ARHGEF12: variants seen among roughly 807,000 people sequenced by gnomAD.
ARHGEF12 encodes the protein KMT2A/ARHGEF12 fusion protein.
A neutral mutation model predicts 211.2 loss-of-function variants in ARHGEF12; 66 were observed. The observed-to-expected ratio is 0.31, with a 90% CI of 0.26 to 0.38. ARHGEF12 has a LOEUF of 0.38. ARHGEF12 is among the 10% of genes least tolerant of loss of function. The pLI is 1.00. For missense variants in ARHGEF12, 1,429 were observed against 1,869.5 expected (o/e 0.76, Z 4.34); for synonymous variants, 592 against 638.4 (o/e 0.93, Z 1.09).
chr11:120,428,050 T>C lies in ARHGEF12; in HGVS notation c.407-19T>C. 1 of 1,523,472 alleles carries C rather than the reference T, an allele frequency of 6.6e-7. No homozygotes were observed. Among genetic ancestry groups the C allele is most frequent in the Non-Finnish European group, 8.8e-7 (1 of 1,135,782 alleles). 94.4% of individuals were successfully genotyped at this position (1,523,472 alleles called of 1,614,324 possible). On this transcript the variant is annotated intron_variant, in intron 7 of 40. Coordinates refer to ENST00000397843, the MANE Select transcript of ARHGEF12 (RefSeq NM_015313.3). ...GTTATTTTCCCTTCCCTTCCCTTTT[T>C]CCGTCTCCCCACCCCAAGCTGGTTC...
At position 120,424,352 on chromosome 11, in the gene ARHGEF12, T is replaced by G. The variant is rs1945281513; in HGVS notation, c.349-6T>G. ...TCTGACATACACTACTTTCGTTTTC[T>G]TACAGGTGAATGGAACTCTGGTGAC... On this transcript the variant is annotated splice_region_variant and splice_polypyrimidine_tract_variant and intron_variant, in intron 6 of 40. Coordinates refer to ENST00000397843, the MANE Select transcript of ARHGEF12 (RefSeq NM_015313.3). 6.2e-7 allele frequency: 1 copy of G among 1,611,732 alleles called. No individual in the cohort carries two copies. Among genetic ancestry groups the G allele is most frequent in the Admixed American group, 1.7e-5 (1 of 59,872 alleles).
At chr11:120,395,681 C>T (rs1378674418) in intron 1 of ARHGEF12, among the ~76,000 whole-genome samples, 1 of 152,006 alleles carries the variant, frequency 6.6e-6, no homozygotes, top group African/African-American at 2.4e-5. Flanking sequence ...AAGGAGAGCT[C>T]GTGCAGGGGA....
rs910025662 is a variant in ARHGEF12, at chr11:120,487,402, A to G, written c.*2325A>G. 2 of 218,492 alleles carry G rather than the reference A, an allele frequency of 9.2e-6. 1 individual carries two copies. Among genetic ancestry groups the G allele is most frequent in the Middle Eastern group, 2.8e-3 (2 of 712 alleles). The allele number at this position is 218,492 out of a possible 1,614,324, so 13.5% of individuals were successfully genotyped here. On this transcript the variant is annotated 3_prime_UTR_variant, in exon 41 of 41. Transcript: ENST00000397843. ...CAAGATGAAGTCTAATTCTGAAAATATCTCACAATTTTTGAATGTTCTTTT... is the reference window on the plus strand; with the variant it reads ...CAAGATGAAGTCTAATTCTGAAAATGTCTCACAATTTTTGAATGTTCTTTT...
chr11:120,485,214 T>A lies in ARHGEF12; in HGVS notation c.*137T>A. The A allele has an allele frequency of 2.8e-6, 3 of 1,090,184 alleles. No individual in the cohort carries two copies. The highest frequency in any genetic ancestry group is 4.1e-6 in the Non-Finnish European group (3 of 734,656). 67.5% of individuals were successfully genotyped at this position (1,090,184 alleles called of 1,614,324 possible). A position where few individuals can be genotyped will look rare whatever the true frequency, so the allele number is the denominator to read the frequency against. Reference sequence around the variant, plus strand: ...TGTGAACCACCTGGGATTAGTCAAGTCCCAAGGTGCCCAGAGTGGGACTAG... The same window carrying A: ...TGTGAACCACCTGGGATTAGTCAAGACCCAAGGTGCCCAGAGTGGGACTAG... On this transcript the variant is annotated 3_prime_UTR_variant, in exon 41 of 41. Coordinates refer to ENST00000397843, the MANE Select transcript of ARHGEF12 (RefSeq NM_015313.3).
chr11:120,347,148 C>CGTCT (rs1942764239), intron 1 of ARHGEF12, among the ~76,000 whole-genome samples: 1 of 40,376 alleles, frequency 2.5e-5, no homozygotes, highest in African/African-American at 1.4e-4. Flanking sequence ...TCCTTCCTTC[C>CGTCT]TTCCTTCCTT....
At chr11:120,442,761 A>G (rs1022761559) in intron 15 of ARHGEF12, among the ~76,000 whole-genome samples, 3 of 152,088 alleles carry the variant, frequency 2.0e-5, no homozygotes, top group Non-Finnish European at 4.4e-5. Context: ...CCTAGCCCTT[A>G]ATGCATACTG....
At chr11:120,435,512 C>CTTTTTT (rs61516865) in intron 11 of ARHGEF12, among the ~76,000 whole-genome samples, 6 of 106,244 alleles carry the variant, frequency 5.6e-5, no homozygotes, top group Admixed American at 1.0e-4. Flanking sequence ...CCCTGTCAAG[C>CTTTTTT]TTTTTTTTTT....
chr11:120,343,682 G>A (rs116460590), intron 1 of ARHGEF12, among the ~76,000 whole-genome samples: 1,665 of 152,254 alleles, frequency 0.011, 32 homozygotes, highest in African/African-American at 0.038. Context: ...CAAATCTACT[G>A]GCCAATGAAA....
intron 37 of ARHGEF12, among the ~76,000 whole-genome samples, chr11:120,479,726 G>A (rs935408958): frequency 1.3e-5 from 2 of 152,064 alleles, no homozygotes; most frequent in African/African-American, 4.8e-5. Context: ...TTCAAGTTTA[G>A]TTTAACGTTA....
chr11:120,355,242 A>G (rs147421238), intron 1 of ARHGEF12, among the ~76,000 whole-genome samples: 1 of 152,312 alleles, frequency 6.6e-6, no homozygotes, highest in African/African-American at 2.4e-5. Context: ...GTTATTACAC[A>G]AGCAGCATTT....
At chr11:120,359,336 A>C (rs1283215038) in intron 1 of ARHGEF12, among the ~76,000 whole-genome samples, 1 of 152,100 alleles carries the variant, frequency 6.6e-6, no homozygotes, top group Non-Finnish European at 1.5e-5. Flanking sequence ...GCAGTCTCTC[A>C]TCTCAGCCTC....
intron 36 of ARHGEF12, among the ~76,000 whole-genome samples, chr11:120,477,934 T>A (rs1444490185): frequency 6.6e-6 from 1 of 152,016 alleles, no homozygotes; most frequent in African/African-American, 2.4e-5. Flanking sequence ...ACTGTTTGGT[T>A]TATGCAGGTT....
At chr11:120,426,596 A>T (rs899292896) in intron 7 of ARHGEF12, among the ~76,000 whole-genome samples, 3 of 152,250 alleles carry the variant, frequency 2.0e-5, no homozygotes, top group Non-Finnish European at 4.4e-5. Context: ...CAAGTGAGAT[A>T]TAATAGATGA....
At chr11:120,417,948 A>G (rs933509592) in intron 4 of ARHGEF12, among the ~76,000 whole-genome samples, 1 of 152,248 alleles carries the variant, frequency 6.6e-6, no homozygotes, top group African/African-American at 2.4e-5. Context: ...CTAATGTGTT[A>G]TCACCTGACC....
intron 1 of ARHGEF12, among the ~76,000 whole-genome samples, chr11:120,347,183 C>CTTTCTTTCTTT (rs1555090042): frequency 0.036 from 3,550 of 99,970 alleles, 190 homozygotes; most frequent in East Asian, 0.17. Context: ...TTCCTTCCTT[C>CTTTCTTTCTTT]CTTTCTTTCT....
chr11:120,352,609 G>GT (rs910667452), intron 1 of ARHGEF12, among the ~76,000 whole-genome samples: 10 of 151,958 alleles, frequency 6.6e-5, no homozygotes, highest in African/African-American at 1.9e-4. Flanking sequence ...AAACACTTGT[G>GT]TTTTTTTTCT....
rs138346100 is a variant in ARHGEF12 at position 120,432,093 on chromosome 11, A to G, written c.924+182A>G. Among the ~76,000 whole-genome samples, 412 of 152,336 alleles carry G rather than the reference A, an allele frequency of 2.7e-3. 7 individuals carry two copies. The highest frequency in any genetic ancestry group is 0.02 in the Admixed American group (306 of 15,302). ...GTTATATATAAGCTTTTAATTCCAG[A>G]GTTCACTTTTTCCCTTGAACACCCA... On this transcript the variant is annotated intron_variant, in intron 11 of 40. Coordinates refer to ENST00000397843, the MANE Select transcript of ARHGEF12 (RefSeq NM_015313.3).
rs900636261 is a variant in ARHGEF12, at chr11:120,487,565, C to G, written c.*2488C>G. ...TCAGGATGATGGAATTAGATGCAGT[C>G]TGTCTTTGAGTGAGACTGGTCACCA... On this transcript the variant is annotated 3_prime_UTR_variant, in exon 41 of 41. Coordinates refer to ENST00000397843, the MANE Select transcript of ARHGEF12 (RefSeq NM_015313.3). 1 of 213,770 alleles carries G rather than the reference C, an allele frequency of 4.7e-6. No individual in the cohort carries two copies. Among genetic ancestry groups the G allele is most frequent in the Non-Finnish European group, 9.5e-6 (1 of 105,792 alleles). 13.2% of individuals were successfully genotyped at this position (213,770 alleles called of 1,614,324 possible).
chr11:120,425,585 C>G (rs1359913359), intron 7 of ARHGEF12, among the ~76,000 whole-genome samples: 1 of 151,966 alleles, frequency 6.6e-6, no homozygotes, highest in Non-Finnish European at 1.5e-5. Context: ...GCACGAGCCA[C>G]TATACCTGGC....
Sources: allele counts gnomAD v4.1 joint callset (sites outside exome capture counted in the v4.1 genomes callset), GRCh38; gene constraint gnomAD v4.1.1; transcripts MANE v1.5; gene names NCBI Gene and HGNC (gene_info 2026-07-23, HGNC 2026-07-21).